The following PCSK7 variants were observed in gnomAD, a reference collection of about 807,000 sequenced individuals.
PCSK7 encodes the protein proprotein convertase subtilisin/kexin type 7.
Under a neutral mutation model 73.3 loss-of-function variants are expected in PCSK7, and 38 were observed. That is an observed-to-expected ratio of 0.52 (90% CI 0.40 to 0.68). The LOEUF is 0.68. Among genes scored for constraint, PCSK7 ranks in the 30% least tolerant of loss-of-function variants. The pLI is 0.00. For missense variants in PCSK7, 692 were observed against 991.5 expected (o/e 0.70, Z 4.06); for synonymous variants, 296 against 383.8 (o/e 0.77, Z 2.68).
intron 8 of PCSK7, chr11:117,223,716 T>C (rs1423751030): frequency 8.5e-6 from 3 of 351,304 alleles, no homozygotes; most frequent in African/African-American, 4.1e-5. Flanking sequence ...GGTAAGTAAA[T>C]AAACACATGC....
intron 6 of PCSK7, chr11:117,225,704 C>A: frequency 1.8e-6 from 1 of 569,290 alleles, no homozygotes; most frequent in Admixed American, 3.0e-5. Flanking sequence ...TAAATGTGCA[C>A]AGGCCAGGGC....
At chr11:117,217,328 T>C (rs2032025235) in intron 12 of PCSK7, 1 of 152,214 alleles carries the variant, frequency 6.6e-6, no homozygotes, top group East Asian at 1.9e-4. Context: ...AAGGTAAAGT[T>C]GAAGGCACAC....
intron 12 of PCSK7, chr11:117,209,633 A>T (rs1401798661): frequency 3.3e-5 from 5 of 153,736 alleles, no homozygotes; most frequent in African/African-American, 1.2e-4. Flanking sequence ...ATTTTTAAAA[A>T]ATGCTGGTGG....
chr11:117,215,364 T>TTGTGTGTGTGTG (rs778828914), intron 12 of PCSK7: 4 of 84,898 alleles, frequency 4.7e-5, no homozygotes, highest in South Asian at 1.2e-3. Context: ...CCTGGCTAAT[T>TTGTGTGTGTGTG]TGTGTGTGTG....
At chr11:117,228,423 G>T in intron 3 of PCSK7, 73 bp from the exon 4 acceptor site, 1 of 1,413,836 alleles carries the variant, frequency 7.1e-7, no homozygotes, top group Non-Finnish European at 1.0e-6. Flanking sequence ...ATAGCTAGCA[G>T]CCCCTTTTCA....
chr11:117,212,725 T>C (rs1394155429), intron 12 of PCSK7: 1 of 149,902 alleles, frequency 6.7e-6, no homozygotes, highest in East Asian at 2.0e-4. Flanking sequence ...CTTTTTTTTT[T>C]TTTTTTTGAG....
chr11:117,224,599 G>A, intron 7 of PCSK7, 102 bp downstream of exon 7: 3 of 941,708 alleles, frequency 3.2e-6, no homozygotes, highest in South Asian at 2.6e-5. Flanking sequence ...AGGAGACTGA[G>A]CGTGGAGGTG....
At chr11:117,224,310 A>G in intron 7 of PCSK7, 94 bp from the exon 8 acceptor site, 1 of 1,311,346 alleles carries the variant, frequency 7.6e-7, no homozygotes, top group Non-Finnish European at 1.1e-6. Flanking sequence ...TTCTAGAAAC[A>G]AAGGGAAAAA....
chr11:117,224,032 C>G, intron 8 of PCSK7, 46 bp downstream of exon 8: 2 of 1,598,598 alleles, frequency 1.3e-6, no homozygotes, highest in African/African-American at 1.3e-5. Context: ...ATGCCCTAAC[C>G]CTTCGGTGAC....
rs139796949 is a variant in PCSK7, at chr11:117,228,313, G to A, written c.506C>T (p.Thr169Met). 17 of 1,613,778 alleles carry A rather than the reference G, an allele frequency of 1.1e-5. No homozygotes were observed. The highest frequency in any genetic ancestry group is 4.0e-5 in the African/African-American group (3 of 74,892). Reference sequence around the variant, plus strand: ...AGTCACATTGCGTTCCCACACACCCGTCACGTTGATGTCCCTGCCCGGGCT... The same window carrying A: ...AGTCACATTGCGTTCCCACACACCCATCACGTTGATGTCCCTGCCCGGGCT... ...RRSPGRDINV[T>M]GVWERNVTGR... Residue 169 changes from threonine to methionine, a missense_variant, in exon 4 of 17, where the codon ACG becomes ATG. Coordinates refer to ENST00000320934, the MANE Select transcript of PCSK7 (RefSeq NM_004716.4).
chr11:117,221,545 G>A (rs2032189678), intron 9 of PCSK7: 1 of 152,230 alleles, frequency 6.6e-6, no homozygotes. Context: ...AGCTGCCCTG[G>A]TCATTGACTA....
chr11:117,226,897 C>T, intron 5 of PCSK7: 2 of 411,388 alleles, frequency 4.9e-6, no homozygotes, highest in Non-Finnish European at 8.6e-6. Context: ...CGTATCGGAT[C>T]ATAGAGGAAA....
At chr11:117,215,740 G>C (rs1241976894) in intron 12 of PCSK7, 1 of 146,948 alleles carries the variant, frequency 6.8e-6, no homozygotes, top group Non-Finnish European at 1.5e-5. Context: ...TAGTAGAGTC[G>C]AGGTTTCACT....
chr11:117,229,318 T>C (rs2032549461), intron 3 of PCSK7, 59 bp downstream of exon 3: 2 of 1,288,712 alleles, frequency 1.6e-6, no homozygotes, highest in East Asian at 4.6e-5. Context: ...CAAAAGCCCA[T>C]TAAAGAACTG....
intron 9 of PCSK7, 181 bp downstream of exon 9, chr11:117,223,027 T>C: frequency 5.1e-6 from 3 of 591,070 alleles, no homozygotes; most frequent in Non-Finnish European, 6.1e-6. Flanking sequence ...CCAAGATGTA[T>C]TCAGAGTCCC....
chr11:117,206,713 C>T lies in PCSK7; in HGVS notation c.1966G>A (p.Asp656Asn). The change falls in exon 16 of 17, where the codon GAT becomes AAT. Residue 656 changes from aspartate to asparagine, a missense_variant. Coordinates refer to ENST00000320934, the MANE Select transcript of PCSK7 (RefSeq NM_004716.4). ...CPPGLKIPEE[D>N]GYTITPNTLK... Reference sequence around the variant, plus strand: ...GTGTTGGGGGTGATGGTGTAACCATCTTCCTCAGGAATTTTCAGCCCCGGT... The same window carrying T: ...GTGTTGGGGGTGATGGTGTAACCATTTTCCTCAGGAATTTTCAGCCCCGGT... 1.5e-6 allele frequency: 1 copy of T among 681,650 alleles called. No individual in the cohort carries two copies. Among genetic ancestry groups the T allele is most frequent in the South Asian group, 1.7e-5 (1 of 57,750 alleles). The allele number at this position is 681,650 out of a possible 1,614,324, so 42.2% of individuals were successfully genotyped here. A position where few individuals can be genotyped will look rare whatever the true frequency, so the allele number is the denominator to read the frequency against.
chr11:117,223,252 G>C lies in PCSK7; in HGVS notation c.1111C>G (p.Leu371Val), dbSNP rs1204410336. 3.1e-6 allele frequency: 5 copies of C among 1,613,542 alleles called. No homozygotes were observed. In the African/African-American group the frequency reaches 5.3e-5, roughly 17 times the overall value. The change falls in exon 9 of 17, where the codon CTG becomes GTG. Residue 371 changes from leucine to valine, a missense_variant. Physicochemically the swap from Leu to Val is conservative, Grantham distance 32. Coordinates refer to ENST00000320934, the MANE Select transcript of PCSK7 (RefSeq NM_004716.4). The part of the protein sequence containing the change: ...PFYAEECASM[L>V]AVTFSGGDKM... ...TCCCCACCACTGAAGGTGACTGCCA[G>C]CATGGAGGCACATTCTTCTGCATAG...
intron 9 of PCSK7, chr11:117,221,042 T>G (rs2032171195): frequency 1.3e-5 from 2 of 152,278 alleles, no homozygotes; most frequent in Non-Finnish European, 1.5e-5. Context: ...AGGCGGGCCC[T>G]GCCTAAATCT....
Position 117,229,713 on chromosome 11 carries a change from A to G in PCSK7, c.132T>C (p.Pro44=). 9.9e-6 allele frequency: 16 copies of G among 1,613,858 alleles called. No homozygotes were observed. The highest frequency in any genetic ancestry group is 1.4e-5 in the Non-Finnish European group (16 of 1,179,822). The change falls in exon 3 of 17, where the codon CCT becomes CCC. Residue 44 remains proline (P), a synonymous_variant. Transcript: ENST00000320934. Reference sequence around the variant, plus strand: ...TCGGCCCCCCTGTGCCCTGGCCATCAGGCCCACCTGTCCCTGCCAGGCCCA... The same window carrying G: ...TCGGCCCCCCTGTGCCCTGGCCATCGGGCCCACCTGTCCCTGCCAGGCCCA... ...WVMGLAGTGG[P]DGQGTGGPSW...
Sources: allele counts gnomAD v4.1 joint callset, GRCh38; gene constraint gnomAD v4.1.1; transcripts MANE v1.5; gene names NCBI Gene and HGNC (gene_info 2026-07-23, HGNC 2026-07-21).